The following GPHN variants were observed in gnomAD, a reference collection of about 807,000 sequenced individuals.
GPHN encodes the protein gephyrin.
GPHN carries 17 observed loss-of-function variants against 95.5 expected under a neutral mutation model. The observed-to-expected ratio is 0.18, with a 90% confidence interval of 0.12 to 0.27. The LOEUF (loss-of-function observed/expected upper bound fraction) is 0.27, where lower values mean the gene tolerates loss of function less well. Among genes scored for constraint, GPHN ranks in the 10% least tolerant of loss-of-function variants. The probability of loss-of-function intolerance (pLI) is 1.00; values close to 1 mark genes in which losing one functional copy is unlikely to be tolerated. For synonymous variants in GPHN, 320 were observed against 322.5 expected (o/e 0.99, Z 0.08); for missense variants, 660 against 978.1 (o/e 0.67, Z 4.34).
chr14:66,894,090 C>A (rs1229509967), intron 5 of GPHN, among the ~76,000 whole-genome samples: 2 of 152,178 alleles, frequency 1.3e-5, no homozygotes, highest in African/African-American at 2.4e-5. Context: ...CTGGAGGCCT[C>A]ACACTACCAG....
chr14:66,628,529 C>T (rs139237491), intron 1 of GPHN, among the ~76,000 whole-genome samples: 34 of 152,150 alleles, frequency 2.2e-4, no homozygotes, highest in African/African-American at 8.2e-4. Flanking sequence ...ATGGAGCTTG[C>T]AGGACTGGAG....
At chr14:67,456,937 A>G in the GPHN span, among the ~76,000 whole-genome samples, 1 of 152,242 alleles carries the variant, frequency 6.6e-6, no homozygotes, top group Non-Finnish European at 1.5e-5. Flanking sequence ...ACCATAGAAT[A>G]CTATACAGCC....
chr14:66,641,887 T>C (rs2064432103), intron 1 of GPHN, among the ~76,000 whole-genome samples: 1 of 152,198 alleles, frequency 6.6e-6, no homozygotes, highest in Non-Finnish European at 1.5e-5. Flanking sequence ...AAAAAATGAC[T>C]ATCTCTTCTG....
the GPHN span, among the ~76,000 whole-genome samples, chr14:67,511,142 C>T: frequency 6.6e-6 from 1 of 152,052 alleles, no homozygotes; most frequent in Non-Finnish European, 1.5e-5. Context: ...CTCTTAATAA[C>T]TGAAAGGAAA....
the GPHN span, chr14:67,589,928 C>T: frequency 3.8e-6 from 5 of 1,299,964 alleles, no homozygotes; most frequent in Non-Finnish European, 3.9e-6. Context: ...GTTAGATTTC[C>T]AGTCACCTGC....
intron 11 of GPHN, among the ~76,000 whole-genome samples, chr14:67,059,496 A>C (rs2075739669): frequency 6.6e-6 from 1 of 152,216 alleles, no homozygotes; most frequent in Non-Finnish European, 1.5e-5. Context: ...ACAACACAAC[A>C]GAATTAATTT....
the GPHN span, among the ~76,000 whole-genome samples, chr14:67,560,796 T>C: frequency 7.1e-6 from 1 of 140,396 alleles, no homozygotes; most frequent in Non-Finnish European, 1.5e-5. Flanking sequence ...AATGGCACAA[T>C]ATCGGCTCTC....
At chr14:66,855,499 T>C (rs1452150148) in intron 4 of GPHN, among the ~76,000 whole-genome samples, 1 of 152,206 alleles carries the variant, frequency 6.6e-6, no homozygotes, top group African/African-American at 2.4e-5. Context: ...CTATTATATG[T>C]AATACCACAA....
intron 3 of GPHN, among the ~76,000 whole-genome samples, chr14:66,787,564 A>C (rs1227957674): frequency 6.6e-6 from 1 of 152,186 alleles, no homozygotes; most frequent in East Asian, 1.9e-4. Context: ...GAATAACTCT[A>C]CCCAATGAAA....
chr14:66,663,356 A>G (rs2065766388), intron 1 of GPHN, among the ~76,000 whole-genome samples: 1 of 152,190 alleles, frequency 6.6e-6, no homozygotes. Context: ...CCAGCCCAGA[A>G]TTTCATATGT....
chr14:66,998,102 G>A (rs904128078), intron 9 of GPHN, among the ~76,000 whole-genome samples: 2 of 152,192 alleles, frequency 1.3e-5, no homozygotes, highest in East Asian at 3.8e-4. Flanking sequence ...CAGCATGTGT[G>A]CAGGAGGGCT....
chr14:67,461,184 T>C, the GPHN span, among the ~76,000 whole-genome samples: 1 of 152,358 alleles, frequency 6.6e-6, no homozygotes, highest in Non-Finnish European at 1.5e-5. Flanking sequence ...TCTCTCCTAA[T>C]AGTTGACATT....
chr14:67,105,877 G>C (rs2078007142), intron 13 of GPHN, among the ~76,000 whole-genome samples: 1 of 151,912 alleles, frequency 6.6e-6, no homozygotes, highest in Admixed American at 6.6e-5. Flanking sequence ...TTGTTTCCTG[G>C]TTTTGCTTAC....
intron 11 of GPHN, among the ~76,000 whole-genome samples, chr14:67,069,169 A>G (rs1392009225): frequency 1.3e-5 from 2 of 152,156 alleles, no homozygotes; most frequent in African/African-American, 2.4e-5. Flanking sequence ...ATGTCTACCC[A>G]ATGTAGGGTT....
the GPHN span, chr14:67,200,062 C>G: frequency 1.1e-6 from 1 of 944,528 alleles, no homozygotes. Context: ...ACAGCCACCA[C>G]CCCAACCACC....
At chr14:66,985,583 A>G (rs1021283981) in intron 9 of GPHN, 10 of 723,696 alleles carry the variant, frequency 1.4e-5, no homozygotes, top group South Asian at 8.0e-5. Flanking sequence ...CAGAGAGTCA[A>G]TTGATGTTTT....
At chr14:67,045,781 C>G (rs151192304) in intron 10 of GPHN, among the ~76,000 whole-genome samples, 1 of 151,992 alleles carries the variant, frequency 6.6e-6, no homozygotes, top group East Asian at 1.9e-4. Flanking sequence ...GTCACTGTCT[C>G]TCTCTCTGTG....
the GPHN span, chr14:67,221,990 G>A: frequency 2.1e-5 from 14 of 659,058 alleles, no homozygotes; most frequent in Middle Eastern, 3.0e-4. Flanking sequence ...TCTCAAAGCC[G>A]ATCCTCAGGC....
the GPHN span, chr14:67,471,137 C>A: frequency 6.6e-6 from 1 of 152,246 alleles, no homozygotes; most frequent in Non-Finnish European, 1.5e-5. Flanking sequence ...TGTTGCCAGG[C>A]ACACAGGCAT....
Sources: allele counts gnomAD v4.1 joint callset (sites outside exome capture counted in the v4.1 genomes callset), GRCh38; gene constraint gnomAD v4.1.1; transcripts MANE v1.5; gene names NCBI Gene and HGNC (gene_info 2026-07-23, HGNC 2026-07-21).